Variants in TUT4 observed in about 807,000 individuals in gnomAD.
TUT4 encodes the protein terminal uridylyltransferase 4.
A neutral mutation model predicts 192.2 loss-of-function variants in TUT4; 36 were observed. That is an observed-to-expected ratio of 0.19 (90% CI 0.14 to 0.25). The LOEUF is 0.25. TUT4 is among the 10% of genes least tolerant of loss of function. TUT4 has a pLI of 1.00. For synonymous variants in TUT4, 618 were observed against 666.0 expected (o/e 0.93, Z 1.11); for missense variants, 1,493 against 1,957.2 (o/e 0.76, Z 4.47).
In TUT4 at chr1:52,488,957, T is replaced by C. The variant is rs760607704; in HGVS notation, c.1467A>G (p.Ile489Met). Residue 489 changes from isoleucine (I) to methionine (M), a missense_variant, in exon 9 of 30, where the codon ATA (isoleucine) becomes ATG (methionine). Around this residue, in one of 7 missense-constraint regions of TUT4, gnomAD observed 437 missense variants for 577.6 expected, o/e 0.76. Coordinates refer to ENST00000257177, the MANE Select transcript of TUT4 (RefSeq NM_001009881.3). ...ACACCAAGGGAATAAAGACAGGTTC[T>C]ATTTTGCCAAGGGCAGTAAGTAAAT... is the stretch of plus-strand genomic sequence containing the variant. ...TTDLLTALGKIEPVFIPLVLA... is the reference protein window; with the variant it reads ...TTDLLTALGKMEPVFIPLVLA... 3.1e-6 allele frequency: 5 copies of C among 1,613,916 alleles called. No homozygotes were observed. The South Asian group carries it at 3.3e-5, about 11-fold the overall frequency.
At chr1:52,501,133 G>A (rs535789141) in intron 4 of TUT4, among the ~76,000 whole-genome samples, 3 of 152,270 alleles carry the variant, frequency 2.0e-5, no homozygotes, top group African/African-American at 4.8e-5. Flanking sequence ...TAGAACTTTT[G>A]TTCATCAAAA....
intron 4 of TUT4, among the ~76,000 whole-genome samples, chr1:52,505,743 G>A (rs1000244817): frequency 1.8e-4 from 27 of 151,770 alleles, no homozygotes; most frequent in African/African-American, 6.5e-4. Context: ...TTTTATCAAA[G>A]CATTTTTGAA....
In TUT4 at chr1:52,431,360, G is replaced by A. The variant is rs1205875488; in HGVS notation, c.4364C>T (p.Pro1455Leu). ...TCCCTGCTGAGGTGGGCCAAGCTTA[G>A]GTTGGGATCCTGGCTGAGATGAAGG... is the stretch of plus-strand genomic sequence containing the variant. The part of the protein sequence containing the change: ...TQPSSQPGSQ[P>L]KLGPPQQGAQ... The change falls in exon 28 of 30, where the codon CCT (proline) becomes CTT (leucine). Residue 1455 changes from proline to leucine, a missense_variant. Coordinates refer to ENST00000257177, the MANE Select transcript of TUT4 (RefSeq NM_001009881.3). 3.7e-6 allele frequency: 6 copies of A among 1,614,168 alleles called. No individual in the cohort carries two copies. The South Asian group carries it at 6.6e-5, about 18-fold the overall frequency.
At chr1:52,459,926 G>C (rs549635344) in intron 19 of TUT4, among the ~76,000 whole-genome samples, 9 of 152,040 alleles carry the variant, frequency 5.9e-5, no homozygotes, top group South Asian at 2.1e-4. Flanking sequence ...ATATAGGGGA[G>C]GGGGGAGAGG....
Position 52,458,986 on chromosome 1 carries a change from A to G in TUT4, c.3322-537T>C, listed in dbSNP as rs540429091. Among the ~76,000 whole-genome samples, 5 of 152,324 alleles carry G rather than the reference A, an allele frequency of 3.3e-5. No homozygotes were observed. In the South Asian group the frequency reaches 8.3e-4, roughly 25 times the overall value. On this transcript the variant is annotated intron_variant, in intron 19 of 29. Coordinates refer to ENST00000257177, the MANE Select transcript of TUT4 (RefSeq NM_001009881.3). ...CGCAGGTTTAAAATAATTAACGACT[A>G]TTCACATAATGGAATGGTATGCAAC... is the stretch of plus-strand genomic sequence containing the variant.
In TUT4 at chr1:52,477,873, C is replaced by T. The variant is rs145961580; in HGVS notation, c.1858G>A (p.Ala620Thr). 13 of 1,582,156 alleles carry T rather than the reference C, an allele frequency of 8.2e-6. No homozygotes were observed. Among genetic ancestry groups the T allele is most frequent in the Non-Finnish European group, 9.4e-6 (11 of 1,169,700 alleles). Residue 620 changes from alanine (A) to threonine (T), a missense_variant, in exon 12 of 30, where the codon GCA (alanine) becomes ACA (threonine). Around this residue, in one of 7 missense-constraint regions of TUT4, gnomAD observed 437 missense variants for 577.6 expected, o/e 0.76. Transcript: ENST00000257177. ...GATACCCGATTTGGTGTTTCCAATGCTAAAGGAGACTGGAAAAGAAAAAAT... is the reference window on the plus strand; with the variant it reads ...GATACCCGATTTGGTGTTTCCAATGTTAAAGGAGACTGGAAAAGAAAAAAT... ...MKEKHGKSPL[A>T]LETPNRVSLG...
At chr1:52,470,428 G>C (rs1665424502) in intron 14 of TUT4, among the ~76,000 whole-genome samples, 1 of 151,996 alleles carries the variant, frequency 6.6e-6, no homozygotes, top group Non-Finnish European at 1.5e-5. Context: ...GCCATTCTAA[G>C]TATTTAGTCA....
chr1:52,488,424 A>C (rs2149052248), intron 9 of TUT4, among the ~76,000 whole-genome samples: 1 of 152,338 alleles, frequency 6.6e-6, no homozygotes, highest in Non-Finnish European at 1.5e-5. Context: ...CATACAAATT[A>C]AGACTAATTT....
chr1:52,513,160 A>G lies in TUT4; in HGVS notation c.882+2731T>C, dbSNP rs1007753404. The stretch of plus-strand genomic sequence containing the variant: ...AAAAGTACAATGAATTTGCCCGAGC[A>G]CTGTGGCTCACACCTGTAAACTCAG... On this transcript the variant is annotated intron_variant, in intron 3 of 29. Transcript: ENST00000257177. Among the ~76,000 whole-genome samples the G allele has an allele frequency of 1.2e-4, 18 of 150,998 alleles. No individual in the cohort carries two copies. The East Asian group carries it at 3.1e-3, about 26-fold the overall frequency.
intron 15 of TUT4, among the ~76,000 whole-genome samples, chr1:52,466,916 C>G (rs1664377183): frequency 6.6e-6 from 1 of 152,024 alleles, no homozygotes; most frequent in Non-Finnish European, 1.5e-5. Flanking sequence ...ATCCACCTTC[C>G]TCAGCCTCCC....
At chr1:52,461,679 TTTTG>T (rs1662607448) in intron 17 of TUT4, 29 bp downstream of exon 17, 2 of 1,544,762 alleles carry the variant, frequency 1.3e-6, no homozygotes, top group East Asian at 2.3e-5. Context: ...AAAAAATTTA[TTTTG>T]TTTTACAGAT....
chr1:52,428,787 C>G (rs1253135919), intron 28 of TUT4, among the ~76,000 whole-genome samples: 1 of 151,894 alleles, frequency 6.6e-6, no homozygotes, highest in East Asian at 1.9e-4. Flanking sequence ...GAGACTGTCT[C>G]AAAAAACTAT....
intron 4 of TUT4, among the ~76,000 whole-genome samples, 181 bp from the exon 5 acceptor site, chr1:52,497,364 A>C (rs1426666102): frequency 6.6e-6 from 1 of 152,230 alleles, no homozygotes; most frequent in Non-Finnish European, 1.5e-5. Flanking sequence ...CAGGGTTTTG[A>C]GAATGAGAGG....
At chr1:52,495,773 C>T (rs926587495) in intron 5 of TUT4, among the ~76,000 whole-genome samples, 3 of 152,064 alleles carry the variant, frequency 2.0e-5, no homozygotes. Flanking sequence ...AGTAATAGTT[C>T]ATTTAGAAAT....
intron 20 of TUT4, among the ~76,000 whole-genome samples, chr1:52,448,137 T>C (rs1658135379): frequency 6.6e-6 from 1 of 152,262 alleles, no homozygotes; most frequent in Non-Finnish European, 1.5e-5. Flanking sequence ...TATATGTTTG[T>C]TGAATGACTA....
At chr1:52,548,980 C>A (rs527841718) in intron 1 of TUT4, among the ~76,000 whole-genome samples, 1 of 152,158 alleles carries the variant, frequency 6.6e-6, no homozygotes, top group Non-Finnish European at 1.5e-5. Context: ...TGATCTCCCC[C>A]AGAGGTGTTT....
In TUT4 at chr1:52,475,325, C is replaced by T. The variant is rs1207142498; in HGVS notation, c.2234G>A (p.Gly745Asp). The T allele has an allele frequency of 6.2e-7, 1 of 1,614,084 alleles. No homozygotes were observed. The highest frequency in any genetic ancestry group is 1.3e-5 in the African/African-American group (1 of 75,002). Reference protein sequence around the residue: ...PVKSNNMATNGCILLGETTEK... With the variant: ...PVKSNNMATNDCILLGETTEK... ...TGTGGTTTCCCCAAGCAGAATACAACCATTGGTTGCCATATTGTTCGACTT... is the reference window on the plus strand; with the variant it reads ...TGTGGTTTCCCCAAGCAGAATACAATCATTGGTTGCCATATTGTTCGACTT... Residue 745 changes from glycine to aspartate, a missense_variant, in exon 13 of 30, where the codon GGT becomes GAT. By Grantham distance (94) the Gly-to-Asp change is moderately conservative (BLOSUM62 -1). Around this residue, in one of 7 missense-constraint regions of TUT4, gnomAD observed 245 missense variants for 218.4 expected, o/e 1.12. Transcript: ENST00000257177.
intron 1 of TUT4, among the ~76,000 whole-genome samples, chr1:52,551,870 T>C (rs891552583): frequency 1.3e-5 from 2 of 152,182 alleles, no homozygotes; most frequent in Admixed American, 6.5e-5. Flanking sequence ...CATCAAGTGC[T>C]ACAAACATTT....
At chr1:52,463,183 C>G in intron 16 of TUT4, 2 of 982,750 alleles carry the variant, frequency 2.0e-6, no homozygotes, top group Non-Finnish European at 2.4e-6. Flanking sequence ...ATATACAAAC[C>G]CTTAGTGATT....
Sources: gnomAD v4.1 joint callset for allele counts (sites outside exome capture counted in the v4.1 genomes callset) on GRCh38, gnomAD v4.1.1 for gene constraint, gnomAD v4.1.1 regional missense constraint, MANE v1.5 for transcripts, NCBI Gene and HGNC (gene_info 2026-07-23, HGNC 2026-07-21) for gene names.